The following ZPBP variants were observed in gnomAD, a reference collection of about 807,000 sequenced individuals.
ZPBP encodes the protein zona pellucida binding protein.
ZPBP carries 26 observed loss-of-function variants against 44.8 expected under a neutral mutation model. The observed-to-expected ratio is 0.58, with a 90% CI of 0.43 to 0.81. The LOEUF (loss-of-function observed/expected upper bound fraction) is 0.81. Among genes scored for constraint, ZPBP ranks in the 30% least tolerant of loss-of-function variants. The probability of loss-of-function intolerance (pLI) is 0.00; values close to 1 mark genes in which losing one functional copy is unlikely to be tolerated. For synonymous variants in ZPBP, 174 were observed against 153.2 expected (o/e 1.14, Z -1.00); for missense variants, 409 against 434.0 (o/e 0.94, Z 0.51).
intron 7 of ZPBP, among the ~76,000 whole-genome samples, chr7:49,978,854 G>T (rs1226995990): frequency 6.6e-6 from 1 of 151,870 alleles, no homozygotes; most frequent in Non-Finnish European, 1.5e-5. Context: ...ACGTTAGGGT[G>T]ATAACCTCCT....
chr7:49,970,563 C>CA (rs1269052672), intron 7 of ZPBP, among the ~76,000 whole-genome samples: 7 of 129,686 alleles, frequency 5.4e-5, no homozygotes, highest in African/African-American at 1.8e-4. Flanking sequence ...TGCTTAATCA[C>CA]AAAAAAGTTT....
intron 2 of ZPBP, among the ~76,000 whole-genome samples, chr7:49,884,722 A>C (rs1405230371): frequency 1.3e-5 from 2 of 152,172 alleles, no homozygotes; most frequent in African/African-American, 4.8e-5. Flanking sequence ...GCCCAAACTC[A>C]AGTCAAGTTT....
chr7:49,893,967 G>A (rs1792255592), intron 2 of ZPBP, among the ~76,000 whole-genome samples: 1 of 152,164 alleles, frequency 6.6e-6, no homozygotes, highest in South Asian at 2.1e-4. Context: ...ACCCTGCTGG[G>A]CTCTCACTGC....
chr7:49,860,248 C>T (rs760102213), intron 2 of ZPBP, among the ~76,000 whole-genome samples: 1 of 152,182 alleles, frequency 6.6e-6, no homozygotes, highest in South Asian at 2.1e-4. Context: ...TAAGTGGTAT[C>T]TCCTCATTCC....
intron 7 of ZPBP, among the ~76,000 whole-genome samples, chr7:49,982,447 A>G (rs1439957541): frequency 1.4e-5 from 2 of 145,910 alleles, no homozygotes; most frequent in Non-Finnish European, 3.0e-5. Context: ...TTTGTATTCT[A>G]TTTCCTAATA....
At chr7:50,043,210 T>A (rs983514088) in intron 4 of ZPBP, among the ~76,000 whole-genome samples, 1 of 152,252 alleles carries the variant, frequency 6.6e-6, no homozygotes, top group Non-Finnish European at 1.5e-5. Context: ...TTTTAATCTA[T>A]AATCTATAGA....
At chr7:50,073,022 A>G (rs1051970292) in intron 3 of ZPBP, among the ~76,000 whole-genome samples, 1 of 152,170 alleles carries the variant, frequency 6.6e-6, no homozygotes, top group African/African-American at 2.4e-5. Context: ...AACATCTACT[A>G]GTATCAACAC....
chr7:49,939,980 T>A (rs1794798342), intron 7 of ZPBP, among the ~76,000 whole-genome samples: 1 of 152,184 alleles, frequency 6.6e-6, no homozygotes. Context: ...AAGGGATTTG[T>A]GGTCTCAAAC....
intron 6 of ZPBP, among the ~76,000 whole-genome samples, chr7:50,011,095 C>A (rs1215040255): frequency 4.0e-5 from 6 of 151,888 alleles, no homozygotes; most frequent in African/African-American, 1.5e-4. Context: ...ACAAGGTAAA[C>A]CAAAACATAA....
chr7:50,055,021 T>C (rs1562592901), intron 4 of ZPBP, among the ~76,000 whole-genome samples: 3 of 152,200 alleles, frequency 2.0e-5, no homozygotes, highest in South Asian at 4.1e-4. Flanking sequence ...TCATCTATTA[T>C]AGCAAGGTTG....
rs572578650 is a variant in ZPBP, at chr7:49,945,826, A to C, written c.962-8204T>G. On this transcript the variant is annotated intron_variant, in intron 7 of 7. Transcript: ENST00000046087. ...GTCTCTTTACTGGAGAGTTTAGTGCATTTATATTCCATGTTATTACTCATA... is the reference window on the plus strand; with the variant it reads ...GTCTCTTTACTGGAGAGTTTAGTGCCTTTATATTCCATGTTATTACTCATA... Among the ~76,000 whole-genome samples the C allele has an allele frequency of 9.9e-5, 15 of 152,108 alleles. No individual in the cohort carries two copies. The South Asian group carries it at 3.1e-3, about 32-fold the overall frequency.
intron 7 of ZPBP, among the ~76,000 whole-genome samples, chr7:49,960,107 C>T (rs933362479): frequency 2.0e-5 from 3 of 151,990 alleles, no homozygotes; most frequent in African/African-American, 4.8e-5. Context: ...GACCTAAATG[C>T]GGAATCCAAA....
intron 3 of ZPBP, among the ~76,000 whole-genome samples, chr7:50,081,192 T>C (rs1802333828): frequency 1.3e-5 from 2 of 151,536 alleles, no homozygotes; most frequent in South Asian, 2.1e-4. Context: ...GATCTCAAAA[T>C]AGCAATAAGA....
chr7:50,041,550 G>C (rs1800096311), intron 4 of ZPBP, among the ~76,000 whole-genome samples: 1 of 152,202 alleles, frequency 6.6e-6, no homozygotes, highest in African/African-American at 2.4e-5. Flanking sequence ...AACTCCAGCA[G>C]ACCTGCAGCA....
intron 3 of ZPBP, 53 bp downstream of exon 3, chr7:50,081,721 G>A: frequency 6.3e-7 from 1 of 1,584,824 alleles, no homozygotes; most frequent in Admixed American, 1.7e-5. Context: ...TTTTTGTGTT[G>A]CACACAATTC....
At chr7:49,846,367 T>C (rs1251389119), downstream of ZPBP, among the ~76,000 whole-genome samples, 1 of 152,224 alleles carries the variant, frequency 6.6e-6, no homozygotes, top group Admixed American at 6.5e-5. Flanking sequence ...TTAACAGCTG[T>C]CCACTGTTGC....
chr7:49,880,936 C>T (rs760174775), intron 2 of ZPBP, among the ~76,000 whole-genome samples: 5 of 152,152 alleles, frequency 3.3e-5, no homozygotes, highest in Non-Finnish European at 7.4e-5. Context: ...ATGATGTAAT[C>T]ATCAGTTTAT....
intron 7 of ZPBP, among the ~76,000 whole-genome samples, chr7:49,957,257 T>C (rs888825847): frequency 1.3e-5 from 2 of 152,216 alleles, no homozygotes; most frequent in Non-Finnish European, 2.9e-5. Context: ...AGATATTCTA[T>C]TATAGCAGCA....
At chr7:49,858,270 G>T (rs961562290) in intron 2 of ZPBP, among the ~76,000 whole-genome samples, 1 of 151,966 alleles carries the variant, frequency 6.6e-6, no homozygotes, top group African/African-American at 2.4e-5. Context: ...GTTTATTGTG[G>T]CACTATTCAC....
Sources: allele counts gnomAD v4.1 joint callset (sites outside exome capture counted in the v4.1 genomes callset), GRCh38; gene constraint gnomAD v4.1.1; transcripts MANE v1.5; gene names NCBI Gene and HGNC (gene_info 2026-07-23, HGNC 2026-07-21).